The following COL5A2 variants were observed in gnomAD, a reference collection of about 807,000 sequenced individuals.
The protein encoded by COL5A2 is collagen alpha-2(V) chain.
COL5A2 carries 23 observed loss-of-function variants against 208.2 expected under a neutral mutation model. The observed-to-expected ratio is 0.11, with a 90% CI of 0.08 to 0.16. COL5A2 has a LOEUF of 0.16. Ranked by LOEUF, COL5A2 falls within the 10% of genes least tolerant of loss-of-function variation. COL5A2 has a pLI of 1.00. For synonymous variants in COL5A2, 625 were observed against 628.5 expected (o/e 0.99, Z 0.08); for missense variants, 1,590 against 1,956.4 (o/e 0.81, Z 3.53).
chr2:189,088,545 T>A, intron 8 of COL5A2, 150 bp downstream of exon 8: 1 of 650,218 alleles, frequency 1.5e-6, no homozygotes, highest in Non-Finnish European at 2.7e-6. Context: ...TACAGTAGAG[T>A]AAATAAGTTA....
At chr2:189,214,094 TAG>T (rs1248535321) in intron 1 of COL5A2, among the ~76,000 whole-genome samples, 1 of 152,180 alleles carries the variant, frequency 6.6e-6, no homozygotes, top group Non-Finnish European at 1.5e-5. Context: ...TTTGTGTACA[TAG>T]ATTTTTAAAA....
intron 2 of COL5A2, among the ~76,000 whole-genome samples, chr2:189,107,750 A>G (rs1156729679): frequency 6.6e-6 from 1 of 151,584 alleles, no homozygotes; most frequent in Non-Finnish European, 1.5e-5. Flanking sequence ...TTATGTTTAA[A>G]AAGATTTATA....
At chr2:189,096,638 A>G (rs1686921758) in intron 6 of COL5A2, among the ~76,000 whole-genome samples, 1 of 151,222 alleles carries the variant, frequency 6.6e-6, no homozygotes, top group Non-Finnish European at 1.5e-5. Context: ...AAAAAAAAAA[A>G]GAAAAAAAAA....
intron 1 of COL5A2, among the ~76,000 whole-genome samples, chr2:189,130,018 C>T (rs942565854): frequency 6.6e-5 from 10 of 151,758 alleles, no homozygotes; most frequent in Non-Finnish European, 1.5e-4. Context: ...AATCTTTTTC[C>T]CTCCTTATAT....
At chr2:189,104,388 T>C (rs1687110523) in intron 2 of COL5A2, 111 bp from the exon 3 acceptor site, 1 of 808,142 alleles carries the variant, frequency 1.2e-6, no homozygotes, top group Non-Finnish European at 2.2e-6. Context: ...ATTACAGTGA[T>C]AGTGATTACA....
At chr2:189,298,119 C>G in the COL5A2 span, among the ~76,000 whole-genome samples, 2 of 152,106 alleles carry the variant, frequency 1.3e-5, no homozygotes, top group Non-Finnish European at 2.9e-5. Context: ...ATTATTATCT[C>G]CCTTCATCAC....
chr2:189,278,439 T>C, the COL5A2 span, among the ~76,000 whole-genome samples: 1 of 152,118 alleles, frequency 6.6e-6, no homozygotes, highest in Non-Finnish European at 1.5e-5. Context: ...AAACGTATTG[T>C]ATATCAGCAA....
At chr2:189,070,756 C>T (rs1336534924) in intron 18 of COL5A2, among the ~76,000 whole-genome samples, 2 of 152,142 alleles carry the variant, frequency 1.3e-5, no homozygotes, top group South Asian at 2.1e-4. Context: ...AGGGATTTTG[C>T]ATGTTTTGAT....
Position 189,049,403 on chromosome 2 carries a change from G to A in COL5A2, c.3091C>T (p.Pro1031Ser), listed in dbSNP as rs187336363. Reference protein sequence around the residue: ...PTGATGDKGPPGPVGPPGSNG... With the variant: ...PTGATGDKGPSGPVGPPGSNG... ...GAGCCTGGGGGCCCCACAGGTCCAG[G>A]TGGACCTTTATCTCCTGTTGCACCA... The change falls in exon 44 of 54, where the codon CCT (proline) becomes TCT (serine). Residue 1031 changes from proline to serine, a missense_variant. Physicochemically the swap from Pro to Ser is moderately conservative, Grantham distance 74 (BLOSUM62 -1). Coordinates refer to ENST00000374866, the MANE Select transcript of COL5A2 (RefSeq NM_000393.5). 9.3e-6 allele frequency: 15 copies of A among 1,613,718 alleles called. No individual in the cohort carries two copies. In the East Asian group the frequency reaches 1.8e-4, roughly 19 times the overall value.
the COL5A2 span, among the ~76,000 whole-genome samples, chr2:189,306,613 G>C: frequency 6.6e-6 from 1 of 152,194 alleles, no homozygotes; most frequent in Admixed American, 6.5e-5. Flanking sequence ...ACAATGGGAA[G>C]TGACACAGAT....
chr2:189,129,305 T>A (rs1289319476), intron 1 of COL5A2, among the ~76,000 whole-genome samples: 1 of 152,034 alleles, frequency 6.6e-6, no homozygotes, highest in East Asian at 1.9e-4. Context: ...GAAAAACTCC[T>A]TACATTTCAC....
the COL5A2 span, among the ~76,000 whole-genome samples, chr2:189,268,964 T>G: frequency 6.6e-6 from 1 of 152,212 alleles, no homozygotes; most frequent in Admixed American, 6.6e-5. Flanking sequence ...TCTCTAAAAC[T>G]TTGTAATACT....
At chr2:189,303,548 C>G in the COL5A2 span, among the ~76,000 whole-genome samples, 1 of 152,144 alleles carries the variant, frequency 6.6e-6, no homozygotes, top group Non-Finnish European at 1.5e-5. Flanking sequence ...TTAAAGCAAA[C>G]TAAATATGGC....
the COL5A2 span, among the ~76,000 whole-genome samples, chr2:189,392,266 T>C: frequency 9.6e-4 from 146 of 152,200 alleles, 2 homozygotes; most frequent in African/African-American, 3.2e-3. Context: ...CTTTACAATG[T>C]TGTTAATAGA....
chr2:189,362,805 T>A, the COL5A2 span, among the ~76,000 whole-genome samples: 30 of 152,038 alleles, frequency 2.0e-4, no homozygotes, highest in Non-Finnish European at 2.9e-4. Flanking sequence ...GAGAAGACAG[T>A]CCTTTGAAAA....
At chr2:189,129,166 C>A (rs907290756) in intron 1 of COL5A2, among the ~76,000 whole-genome samples, 3 of 151,354 alleles carry the variant, frequency 2.0e-5, no homozygotes, top group African/African-American at 7.3e-5. Flanking sequence ...AAAAGAAAAA[C>A]ATTTCACACG....
rs1356003366 is a variant in COL5A2 at position 189,159,606 on chromosome 2, T to C, written c.97+19902A>G. Reference sequence around the variant, plus strand: ...TCAACTCCAGATTCCAGCTACAATGTTGCTGCTTTTATTACAAGTAAATGT... The same window carrying C: ...TCAACTCCAGATTCCAGCTACAATGCTGCTGCTTTTATTACAAGTAAATGT... On this transcript the variant is annotated intron_variant, in intron 1 of 53. Coordinates refer to ENST00000374866, the MANE Select transcript of COL5A2 (RefSeq NM_000393.5). Among the ~76,000 whole-genome samples, 9 of 152,364 alleles carry C rather than the reference T, an allele frequency of 5.9e-5. No homozygotes were observed. The East Asian group carries it at 1.7e-3, about 29-fold the overall frequency.
the COL5A2 span, among the ~76,000 whole-genome samples, chr2:189,328,640 A>G: frequency 6.6e-6 from 1 of 152,264 alleles, no homozygotes. Context: ...GCAGCTGCCA[A>G]AACATCTTAG....
chr2:189,318,913 C>A, the COL5A2 span, among the ~76,000 whole-genome samples: 1 of 152,110 alleles, frequency 6.6e-6, no homozygotes, highest in Non-Finnish European at 1.5e-5. Context: ...CAAATGGACA[C>A]CCTGCATCTG....
Sources: allele counts gnomAD v4.1 joint callset (sites outside exome capture counted in the v4.1 genomes callset), GRCh38; gene constraint gnomAD v4.1.1; transcripts MANE v1.5; gene names NCBI Gene and HGNC (gene_info 2026-07-23, HGNC 2026-07-21).